Variants in PIK3AP1 observed in about 807,000 individuals in gnomAD.
The protein encoded by PIK3AP1 is phosphoinositide 3-kinase adapter protein 1.
PIK3AP1 carries 21 observed loss-of-function variants against 88.1 expected under a neutral mutation model. The observed-to-expected ratio is 0.24, with a 90% CI of 0.17 to 0.34. The LOEUF (loss-of-function observed/expected upper bound fraction) is 0.34, where lower values mean the gene tolerates loss of function less well. PIK3AP1 is among the 10% of genes least tolerant of loss of function. PIK3AP1 has a pLI of 1.00. For synonymous variants in PIK3AP1, 398 were observed against 400.0 expected (o/e 1.00, Z 0.06); for missense variants, 828 against 1,035.7 (o/e 0.80, Z 2.75).
intron 8 of PIK3AP1, 42 bp from the exon 9 acceptor site, chr10:96,628,535 C>A: frequency 6.7e-7 from 1 of 1,483,730 alleles, no homozygotes; most frequent in East Asian, 2.3e-5. Context: ...TTGGTCTCCT[C>A]CACAGGCAAG....
At chr10:96,714,607 A>G (rs1844479268) in intron 1 of PIK3AP1, among the ~76,000 whole-genome samples, 1 of 152,236 alleles carries the variant, frequency 6.6e-6, no homozygotes, top group Non-Finnish European at 1.5e-5. Context: ...TCTAGGAATG[A>G]GTCTAGGATT....
rs1307133908 is a variant in PIK3AP1, at chr10:96,652,704, C to A, written c.706G>T (p.Ala236Ser). 1 of 1,614,058 alleles carries A rather than the reference C, an allele frequency of 6.2e-7. No individual in the cohort carries two copies. Among genetic ancestry groups the A allele is most frequent in the Admixed American group, 1.7e-5 (1 of 60,018 alleles). The part of the protein sequence containing the change: ...VENEYTISVK[A>S]PNLSSGNVSL... ...TTCACAGGGGACTACTTACTGGGAG[C>A]CTTCACTGAAATGGTGTACTCATTC... Residue 236 changes from alanine (A) to serine (S), a missense_variant, in exon 4 of 17, where the codon GCT becomes TCT. By Grantham distance (99) the Ala-to-Ser change is moderately conservative. Coordinates refer to ENST00000339364, the MANE Select transcript of PIK3AP1 (RefSeq NM_152309.3).
intron 1 of PIK3AP1, among the ~76,000 whole-genome samples, chr10:96,717,971 G>A (rs1018286511): frequency 6.6e-6 from 1 of 152,130 alleles, no homozygotes; most frequent in African/African-American, 2.4e-5. Context: ...TAAGAATTAG[G>A]CCATAAAAAG....
chr10:96,626,793 G>A lies in PIK3AP1; in HGVS notation c.1584C>T (p.Ser528=), dbSNP rs770291316. The change falls in exon 10 of 17, where the codon AGC becomes AGT. Residue 528 remains serine, a synonymous_variant. Transcript: ENST00000339364. The part of the protein sequence containing the change: ...DDEAFSVDLA[S]RPPVPVPRPE... ...GTCTGGGCACTGGGACAGGGGGCCT[G>A]CTGGCCAGGTCCACAGAAAAGGCCT... 1.2e-6 allele frequency: 2 copies of A among 1,614,240 alleles called. No individual in the cohort carries two copies. The highest frequency in any genetic ancestry group is 2.2e-5 in the East Asian group (1 of 44,884).
At chr10:96,652,040 A>C in intron 4 of PIK3AP1, among the ~76,000 whole-genome samples, 1 of 152,142 alleles carries the variant, frequency 6.6e-6, no homozygotes, top group East Asian at 1.9e-4. Flanking sequence ...TGTTTCTGCC[A>C]CATTGGGGCA....
At chr10:96,619,433 A>T (rs538036376) in intron 12 of PIK3AP1, 1 of 152,498 alleles carries the variant, frequency 6.6e-6, no homozygotes, top group East Asian at 1.9e-4. Flanking sequence ...GAGGGTAAGC[A>T]GGGTCGGGCC....
At chr10:96,680,556 A>C (rs1843985511) in intron 2 of PIK3AP1, among the ~76,000 whole-genome samples, 1 of 152,096 alleles carries the variant, frequency 6.6e-6, no homozygotes, top group Admixed American at 6.5e-5. Context: ...GAAAACATGT[A>C]GTATTTGGTT....
At chr10:96,665,972 C>T (rs1254036565) in intron 2 of PIK3AP1, among the ~76,000 whole-genome samples, 1 of 152,220 alleles carries the variant, frequency 6.6e-6, no homozygotes, top group Non-Finnish European at 1.5e-5. Flanking sequence ...AATAAACCAG[C>T]ATCCTCTATG....
At chr10:96,661,807 C>T (rs915603173) in intron 2 of PIK3AP1, among the ~76,000 whole-genome samples, 1 of 138,212 alleles carries the variant, frequency 7.2e-6, no homozygotes, top group African/African-American at 2.9e-5. Context: ...CAGGACAGGA[C>T]AGGACAGGAC....
intron 10 of PIK3AP1, among the ~76,000 whole-genome samples, chr10:96,626,323 G>T (rs1434129111): frequency 6.6e-6 from 1 of 152,162 alleles, no homozygotes; most frequent in Non-Finnish European, 1.5e-5. Context: ...GATAATAATG[G>T]TCCTTACCTA....
intron 8 of PIK3AP1, among the ~76,000 whole-genome samples, chr10:96,641,894 G>A (rs772479520): frequency 6.6e-6 from 1 of 152,150 alleles, no homozygotes; most frequent in Non-Finnish European, 1.5e-5. Context: ...CTGCAAATAC[G>A]CATTTTAGAT....
Position 96,656,891 on chromosome 10 carries a change from C to T in PIK3AP1, c.474G>A (p.Glu158=). Residue 158 remains glutamate (E), a synonymous_variant, in exon 3 of 17, where the codon GAG becomes GAA. Transcript: ENST00000339364. ...DSVTDTEPED[E]KVVSYSKQQN... is the part of the protein sequence containing the mutation. ...GCTGCTTCGAGTAGGAAACAACCTTCTCGTCCTCAGGCTCAGTGTCAGTGA... is the reference window on the plus strand; with the variant it reads ...GCTGCTTCGAGTAGGAAACAACCTTTTCGTCCTCAGGCTCAGTGTCAGTGA... 6.2e-7 allele frequency: 1 copy of T among 1,614,130 alleles called. No homozygotes were observed. Among genetic ancestry groups the T allele is most frequent in the Non-Finnish European group, 8.5e-7 (1 of 1,180,016 alleles).
In PIK3AP1 at chr10:96,595,463, G is replaced by A; in HGVS notation, c.*114C>T. ...AGGGCTGCAGCATTATCAGCAATGA[G>A]AATGGATCTTAAGGTCAACAGTCAT... On this transcript the variant is annotated 3_prime_UTR_variant, in exon 17 of 17. Transcript: ENST00000339364. 1 of 1,145,808 alleles carries A rather than the reference G, an allele frequency of 8.7e-7. No homozygotes were observed. Among genetic ancestry groups the A allele is most frequent in the Non-Finnish European group, 1.3e-6 (1 of 780,496 alleles). The allele number at this position is 1,145,808 out of a possible 1,614,324, so 71.0% of individuals were successfully genotyped here.
chr10:96,638,295 A>G (rs1843338888), intron 8 of PIK3AP1, among the ~76,000 whole-genome samples: 1 of 152,102 alleles, frequency 6.6e-6, no homozygotes, highest in South Asian at 2.1e-4. Flanking sequence ...TTGCCATGTG[A>G]ATACTTTCCA....
At chr10:96,685,173 T>C (rs1844052306) in intron 2 of PIK3AP1, among the ~76,000 whole-genome samples, 1 of 152,208 alleles carries the variant, frequency 6.6e-6, no homozygotes, top group South Asian at 2.1e-4. Flanking sequence ...TATGCTGTGA[T>C]TTTCTTTTTT....
intron 13 of PIK3AP1, among the ~76,000 whole-genome samples, chr10:96,614,946 AGAT>A (rs1849189350): frequency 6.6e-6 from 1 of 152,224 alleles, no homozygotes; most frequent in African/African-American, 2.4e-5. Context: ...CAGAAACCAA[AGAT>A]GATTCCAGTC....
chr10:96,673,021 A>C (rs1843868189), intron 2 of PIK3AP1, among the ~76,000 whole-genome samples: 1 of 152,244 alleles, frequency 6.6e-6, no homozygotes, highest in African/African-American at 2.4e-5. Flanking sequence ...TTCTGGTTTA[A>C]TGGTAGAACC....
rs185926494 is a variant in PIK3AP1 at position 96,629,425 on chromosome 10, A to G, written c.1376-932T>C. On this transcript the variant is annotated intron_variant, in intron 8 of 16. Transcript: ENST00000339364. ...AACCATATTATTTAATTTTAAAAAA[A>G]TCTGACATAAAGGAATAAAAAGGAA... 2.6e-5 allele frequency among the ~76,000 whole-genome samples: 4 copies of G among 152,284 alleles called. No individual in the cohort carries two copies. The East Asian group carries it at 7.7e-4, about 29-fold the overall frequency.
chr10:96,609,350 C>T (rs2134189153), intron 14 of PIK3AP1, among the ~76,000 whole-genome samples: 2 of 152,338 alleles, frequency 1.3e-5, no homozygotes, highest in Middle Eastern at 6.8e-3. Context: ...AAGCCTCTTG[C>T]TTCCTCCTCA....
Sources: allele counts gnomAD v4.1 joint callset (sites outside exome capture counted in the v4.1 genomes callset), GRCh38; gene constraint gnomAD v4.1.1; transcripts MANE v1.5; gene names NCBI Gene and HGNC (gene_info 2026-07-23, HGNC 2026-07-21).